GOLGB1: variants seen among roughly 807,000 people sequenced by gnomAD.
GOLGB1 encodes golgin B1.
In GOLGB1, 174 loss-of-function variants were observed where a neutral mutation model predicts 336.9. The ratio of observed to expected loss-of-function variants is 0.52; its 90% CI spans 0.46 to 0.59. The LOEUF is 0.59. GOLGB1 is among the 20% of genes least tolerant of loss of function. The probability of loss-of-function intolerance (pLI) is 0.00; values close to 1 mark genes in which losing one functional copy is unlikely to be tolerated. For missense variants in GOLGB1, 3,331 were observed against 3,645.3 expected (o/e 0.91, Z 2.22); for synonymous variants, 1,208 against 1,289.2 (o/e 0.94, Z 1.35).
chr3:121,679,774 G>A lies in GOLGB1; in HGVS notation c.8873+1913C>T, dbSNP rs575966722. ...CTTACAATCACCTAGTGCTAAGAAG[G>A]TGCCTCTCTCCGACTGCCCCTCCTC... On this transcript the variant is annotated intron_variant, in intron 15 of 21. Transcript: ENST00000614479. Among the ~76,000 whole-genome samples the A allele has an allele frequency of 2.6e-5, 4 of 152,264 alleles. No individual in the cohort carries two copies. In the East Asian group the frequency reaches 7.7e-4, roughly 29 times the overall value.
intron 1 of GOLGB1, among the ~76,000 whole-genome samples, chr3:121,734,183 A>G (rs960515008): frequency 1.3e-5 from 2 of 152,164 alleles, no homozygotes; most frequent in Admixed American, 1.3e-4. Context: ...TGAGGCCAGG[A>G]GTTCAACACC....
At chr3:121,679,460 T>C (rs1182564540) in intron 15 of GOLGB1, among the ~76,000 whole-genome samples, 4 of 152,154 alleles carry the variant, frequency 2.6e-5, no homozygotes, top group African/African-American at 9.7e-5. Context: ...ATTCTGCATA[T>C]CCCAAACCGG....
At chr3:121,664,822 T>C (rs1303840981) in intron 21 of GOLGB1, 104 bp downstream of exon 21, 5 of 814,428 alleles carry the variant, frequency 6.1e-6, no homozygotes, top group Non-Finnish European at 1.0e-5. Flanking sequence ...CATTCGCTGC[T>C]CAGTGGCTGG....
chr3:121,681,770 T>C lies in GOLGB1; in HGVS notation c.8790A>G (p.Gln2930=), dbSNP rs1941097594. Residue 2930 remains glutamine, a synonymous_variant, in exon 15 of 22, where the codon CAA becomes CAG. Transcript: ENST00000614479. ...HPLKAQLQEY[Q]DKTKAFQIMQ... Reference sequence around the variant, plus strand: ...TAATCTGAAATGCTTTTGTCTTATCTTGATACTCCTGAAGTTGAGCCTTCA... The same window carrying C: ...TAATCTGAAATGCTTTTGTCTTATCCTGATACTCCTGAAGTTGAGCCTTCA... The C allele has an allele frequency of 5.0e-6, 8 of 1,610,182 alleles. No homozygotes were observed. Among genetic ancestry groups the C allele is most frequent in the Non-Finnish European group, 6.8e-6 (8 of 1,176,454 alleles).
chr3:121,720,103 A>C (rs1344050841), intron 6 of GOLGB1, among the ~76,000 whole-genome samples: 1 of 152,238 alleles, frequency 6.6e-6, no homozygotes, highest in Non-Finnish European at 1.5e-5. Flanking sequence ...CATAAGGTGA[A>C]GTTAAGTTAG....
At chr3:121,674,482 A>G (rs530113448) in intron 17 of GOLGB1, among the ~76,000 whole-genome samples, 6 of 152,362 alleles carry the variant, frequency 3.9e-5, no homozygotes, top group African/African-American at 1.4e-4. Context: ...TATTTTTAAA[A>G]TTCATGTTTT....
rs1305178887 is a variant in GOLGB1 at position 121,696,348 on chromosome 3, AGAT to A, written c.4172_4174del (p.His1391del). On this transcript the variant is annotated inframe_deletion, in exon 13 of 22. Transcript: ENST00000614479. ...ATCCAGTTTAGGTTGCAATTCTCTT[AGAT>A]GTTCTAGGCCAGCAATTTGTAGTTG... is the stretch of plus-strand genomic sequence containing the variant. 1.9e-6 allele frequency: 3 copies of A among 1,614,026 alleles called. No homozygotes were observed. The highest frequency in any genetic ancestry group is 2.5e-6 in the Non-Finnish European group (3 of 1,180,000).
Position 121,695,502 on chromosome 3 carries a change from T to G in GOLGB1, c.5021A>C (p.Gln1674Pro), listed in dbSNP as rs537556767. ...ETEKQLQEAE[Q>P]EMEEMKEKMR... ...CTTTTCTTTCATTTCCTCCATTTCT[T>G]GCTCAGCTTCCTGCAACTGCTTTTC... The change falls in exon 13 of 22, where the codon CAA becomes CCA. Residue 1674 changes from glutamine (Q) to proline (P), a missense_variant. Coordinates refer to ENST00000614479, the MANE Select transcript of GOLGB1 (RefSeq NM_001366282.2). 1.2e-6 allele frequency: 2 copies of G among 1,613,998 alleles called. No homozygotes were observed. The highest frequency in any genetic ancestry group is 1.7e-6 in the Non-Finnish European group (2 of 1,180,014).
chr3:121,673,525 T>C (rs1046069883), intron 17 of GOLGB1, among the ~76,000 whole-genome samples: 20 of 152,258 alleles, frequency 1.3e-4, no homozygotes, highest in Non-Finnish European at 8.8e-5. Flanking sequence ...AGTACTGTCA[T>C]TTTAATGATA....
At chr3:121,728,097 C>CT (rs1945811836) in intron 4 of GOLGB1, among the ~76,000 whole-genome samples, 1 of 151,968 alleles carries the variant, frequency 6.6e-6, no homozygotes, top group Non-Finnish European at 1.5e-5. Flanking sequence ...GAGGTTGGTG[C>CT]TACCACAGTG....
At chr3:121,740,119 T>G (rs536795182) in intron 1 of GOLGB1, among the ~76,000 whole-genome samples, 1 of 152,294 alleles carries the variant, frequency 6.6e-6, no homozygotes, top group East Asian at 1.9e-4. Context: ...CCTTGTGGTG[T>G]TGCAGCTGTT....
chr3:121,733,591 C>T (rs971648201), intron 1 of GOLGB1, among the ~76,000 whole-genome samples: 2 of 152,160 alleles, frequency 1.3e-5, no homozygotes, highest in East Asian at 3.8e-4. Flanking sequence ...AACTTAATCC[C>T]AGCAAGCTTT....
intron 15 of GOLGB1, 128 bp from the exon 16 acceptor site, chr3:121,677,578 G>C: frequency 1.5e-6 from 1 of 654,498 alleles, no homozygotes; most frequent in East Asian, 3.0e-5. Context: ...AGAAAGAAAG[G>C]CTAAGAAAAA....
intron 17 of GOLGB1, among the ~76,000 whole-genome samples, chr3:121,675,178 TTCTC>T (rs963139649): frequency 1.4e-4 from 21 of 152,184 alleles, no homozygotes; most frequent in African/African-American, 4.8e-4. Context: ...GAAAAACTGT[TTCTC>T]ACTCAGAATG....
intron 13 of GOLGB1, among the ~76,000 whole-genome samples, 164 bp from the exon 14 acceptor site, chr3:121,692,745 GT>G (rs1942565710): frequency 6.6e-6 from 1 of 152,142 alleles, no homozygotes; most frequent in Non-Finnish European, 1.5e-5. Flanking sequence ...GCACCTACAT[GT>G]TTATCTACTG....
chr3:121,699,062 A>G, intron 12 of GOLGB1, 133 bp from the exon 13 acceptor site: 1 of 633,898 alleles, frequency 1.6e-6, no homozygotes, highest in Non-Finnish European at 2.6e-6. Context: ...GTACCATAAC[A>G]CTGCTAAATC....
At position 121,694,999 on chromosome 3, in the gene GOLGB1, T is replaced by C. The variant is rs1942805754; in HGVS notation, c.5524A>G (p.Asn1842Asp). ...AGCTGATCAATCTGCTGTAGGTAGT[T>C]ATTAATTTCATCATGTGAGCTGAAA... is the stretch of plus-strand genomic sequence containing the variant. ...KDFSSHDEIN[N>D]YLQQIDQLKE... Residue 1842 changes from asparagine to aspartate, a missense_variant, in exon 13 of 22, where the codon AAC becomes GAC. Asn to Asp is a conservative substitution (Grantham distance 23). Coordinates refer to ENST00000614479, the MANE Select transcript of GOLGB1 (RefSeq NM_001366282.2). 3 of 1,614,060 alleles carry C rather than the reference T, an allele frequency of 1.9e-6. No individual in the cohort carries two copies. The highest frequency in any genetic ancestry group is 2.2e-5 in the East Asian group (1 of 44,878).
chr3:121,736,488 T>G (rs1270708049), intron 1 of GOLGB1, among the ~76,000 whole-genome samples: 3 of 152,184 alleles, frequency 2.0e-5, no homozygotes, highest in Non-Finnish European at 4.4e-5. Flanking sequence ...TGGGAAAACC[T>G]AGATTCAGGG....
intron 19 of GOLGB1, 65 bp downstream of exon 19, chr3:121,667,996 C>A: frequency 1.3e-6 from 1 of 793,998 alleles, no homozygotes. Flanking sequence ...CCAGTTAAAT[C>A]TAGATTACTG....
Sources: gnomAD v4.1 joint callset for allele counts (sites outside exome capture counted in the v4.1 genomes callset) on GRCh38, gnomAD v4.1.1 for gene constraint, MANE v1.5 for transcripts, NCBI Gene and HGNC (gene_info 2026-07-23, HGNC 2026-07-21) for gene names.